SLC5A11: variants seen among roughly 807,000 people sequenced by gnomAD.
SLC5A11 encodes the protein sodium/myo-inositol cotransporter 2.
SLC5A11 carries 48 observed loss-of-function variants against 69.8 expected under a neutral mutation model. The observed-to-expected ratio is 0.69, with a 90% confidence interval of 0.55 to 0.87. The LOEUF is 0.87. Ranked by LOEUF, SLC5A11 falls within the 40% of genes least tolerant of loss-of-function variation. The pLI is 0.00. For synonymous variants in SLC5A11, 319 were observed against 342.4 expected (o/e 0.93, Z 0.75); for missense variants, 784 against 866.1 (o/e 0.91, Z 1.19).
Position 24,903,348 on chromosome 16 carries a change from G to A in SLC5A11, c.1007-3309G>A, listed in dbSNP as rs137944389. Reference sequence around the variant, plus strand: ...CCTCAAATATTTATCATTTCTTTGTGTTGGGGGCAATCAAAATCCACTCTC... The same window carrying A: ...CCTCAAATATTTATCATTTCTTTGTATTGGGGGCAATCAAAATCCACTCTC... On this transcript the variant is annotated intron_variant, in intron 10 of 15. Coordinates refer to ENST00000347898, the Ensembl canonical transcript of SLC5A11. 3.3e-5 allele frequency among the ~76,000 whole-genome samples: 5 copies of A among 152,184 alleles called. No individual in the cohort carries two copies. The East Asian group carries it at 9.7e-4, about 29-fold the overall frequency.
At chr16:24,908,885 C>T (rs1420991434) in exon 14 of SLC5A11, 1 of 1,612,822 alleles carries the variant, frequency 6.2e-7, no homozygotes. Context: ...TTGCAGGGTG[C>T]CTTCTGGGGC....
chr16:24,868,907 G>A (rs1396663030), intron 3 of SLC5A11, among the ~76,000 whole-genome samples: 4 of 140,666 alleles, frequency 2.8e-5, no homozygotes, highest in South Asian at 4.4e-4. Context: ...AGTCTCTGTC[G>A]TCCAGGCTGG....
chr16:24,847,295 T>TTTTCTTTC lies in SLC5A11; in HGVS notation c.-25+872_-25+879dup, dbSNP rs59941163. Among the ~76,000 whole-genome samples, 226 of 145,256 alleles carry TTTTCTTTC rather than the reference T, an allele frequency of 1.6e-3. 1 individual carries two copies. The highest frequency in any genetic ancestry group is 2.7e-3 in the African/African-American group (104 of 39,112). On this transcript the variant is annotated intron_variant, in intron 1 of 15. Transcript: ENST00000347898. ...TCTCTGTTTCTCTTTCTTTTCCCTT[T>TTTTCTTTC]TTTCTTTCTTTCTTTCTTTCTTCTC...
intron 3 of SLC5A11, among the ~76,000 whole-genome samples, chr16:24,867,998 G>A (rs2047019539): frequency 6.6e-6 from 1 of 151,870 alleles, no homozygotes; most frequent in Non-Finnish European, 1.5e-5. Flanking sequence ...TTAGCTGGTT[G>A]TGGTGGCATG....
intron 8 of SLC5A11, among the ~76,000 whole-genome samples, chr16:24,890,072 G>A (rs1022660901): frequency 1.3e-5 from 2 of 152,114 alleles, no homozygotes; most frequent in African/African-American, 2.4e-5. Context: ...AAATTTATTA[G>A]CACACACAGG....
intron 1 of SLC5A11, among the ~76,000 whole-genome samples, chr16:24,854,230 C>A (rs2059432913): frequency 6.6e-6 from 1 of 152,156 alleles, no homozygotes; most frequent in Non-Finnish European, 1.5e-5. Context: ...TCAGCATCAA[C>A]CTCCACCTAA....
intron 1 of SLC5A11, among the ~76,000 whole-genome samples, chr16:24,847,318 C>CT (rs1199692147): frequency 4.5e-4 from 51 of 113,274 alleles, no homozygotes; most frequent in Middle Eastern, 4.8e-3. Flanking sequence ...TTTCTTTCTT[C>CT]TCTCTCTTTT....
rs1452878260 is a variant in SLC5A11, at chr16:24,879,934, G to T, written c.583+2571G>T. On this transcript the variant is annotated intron_variant, in intron 7 of 15. Transcript: ENST00000347898. ...TCCAATCCACTGTTGATGGGCACCT[G>T]TGTCAATTCCATGTCTTTGCTATTG... Among the ~76,000 whole-genome samples the T allele has an allele frequency of 2.0e-5, 3 of 152,144 alleles. No individual in the cohort carries two copies. The South Asian group carries it at 6.2e-4, about 32-fold the overall frequency.
chr16:24,869,164 G>C (rs762997507), intron 3 of SLC5A11, among the ~76,000 whole-genome samples: 1 of 151,944 alleles, frequency 6.6e-6, no homozygotes, highest in Non-Finnish European at 1.5e-5. Flanking sequence ...CAGAGCGCCC[G>C]GCTGGACCTG....
At chr16:24,896,942 CTTTTTTTTTT>C (rs869210839) in intron 9 of SLC5A11, among the ~76,000 whole-genome samples, 2 of 97,100 alleles carry the variant, frequency 2.1e-5, no homozygotes, top group African/African-American at 5.0e-5. Context: ...AACCTCCTTC[CTTTTTTTTTT>C]TTTTTTTTTT....
At chr16:24,907,965 T>C in exon 13 of SLC5A11, 1 of 1,613,830 alleles carries the variant, frequency 6.2e-7, no homozygotes, top group African/African-American at 1.3e-5. Context: ...GGCACCAGGG[T>C]GTTTGTGCTG....
chr16:24,872,128 G>C (rs370584644), intron 4 of SLC5A11, 32 bp from the exon 6 acceptor site: 1 of 1,614,006 alleles, frequency 6.2e-7, no homozygotes. Context: ...TGTGAGCTGG[G>C]GGCCAAGTCC....
chr16:24,905,668 A>G (rs1428666324), intron 10 of SLC5A11, among the ~76,000 whole-genome samples: 1 of 151,752 alleles, frequency 6.6e-6, no homozygotes, highest in African/African-American at 2.4e-5. Flanking sequence ...ACACACACAC[A>G]CACACACACA....
chr16:24,900,681 G>A (rs1007561384), intron 10 of SLC5A11, among the ~76,000 whole-genome samples: 4 of 152,124 alleles, frequency 2.6e-5, no homozygotes, highest in African/African-American at 9.7e-5. Context: ...GGCAGGCTGA[G>A]GCAGGAGGAT....
In SLC5A11 at chr16:24,881,619, G is replaced by C. The variant is rs114245758; in HGVS notation, c.584-2432G>C. On this transcript the variant is annotated intron_variant, in intron 7 of 15. Coordinates refer to ENST00000347898, the Ensembl canonical transcript of SLC5A11. ...TTGCATTTTTCTGATGATTAGCGAT[G>C]ATGAGCATTTTTTCGTATCTCAACC... Among the ~76,000 whole-genome samples the C allele has an allele frequency of 2.7e-3, 407 of 152,254 alleles. 3 individuals carry two copies. The highest frequency in any genetic ancestry group is 7.8e-3 in the African/African-American group (323 of 41,550).
intron 10 of SLC5A11, among the ~76,000 whole-genome samples, chr16:24,905,391 C>T (rs11639766): frequency 0.37 from 55,268 of 151,120 alleles, 10,801 homozygotes; most frequent in Non-Finnish European, 0.44. Flanking sequence ...TGCAGTGAGC[C>T]GAGATTGTGC....
chr16:24,909,633 C>CT (rs1192785306), intron 14 of SLC5A11, among the ~76,000 whole-genome samples: 10 of 110,928 alleles, frequency 9.0e-5, no homozygotes, highest in Admixed American at 4.2e-4. Flanking sequence ...CAGAGCAAGA[C>CT]CCTGTCTCAC....
intron 4 of SLC5A11, among the ~76,000 whole-genome samples, chr16:24,870,978 C>A (rs545426479): frequency 8.6e-4 from 131 of 152,076 alleles, no homozygotes; most frequent in South Asian, 1.2e-3. Flanking sequence ...GGATAAGATA[C>A]ACTCTCGTAT....
chr16:24,898,482 T>G (rs1480933002), intron 10 of SLC5A11, among the ~76,000 whole-genome samples: 1 of 152,076 alleles, frequency 6.6e-6, no homozygotes, highest in African/African-American at 2.4e-5. Context: ...AGTGCTGAGA[T>G]TGCAGGTGTG....
Sources: gnomAD v4.1 joint callset for allele counts (sites outside exome capture counted in the v4.1 genomes callset) on GRCh38, gnomAD v4.1.1 for gene constraint, MANE v1.5 for transcripts, NCBI Gene and HGNC (gene_info 2026-07-23, HGNC 2026-07-21) for gene names.